Variants in SLC25A40 observed in about 807,000 individuals in gnomAD.
The protein encoded by SLC25A40 is mitochondrial glutathione transporter SLC25A40.
Under a neutral mutation model 46.5 loss-of-function variants are expected in SLC25A40, and 41 were observed. That is an observed-to-expected ratio of 0.88 (90% confidence interval 0.69 to 1.14). The LOEUF is 1.14. SLC25A40 is among the 50% of genes most tolerant of loss of function. The probability of loss-of-function intolerance (pLI) is 0.00; values close to 1 mark genes in which losing one functional copy is unlikely to be tolerated. For missense variants in SLC25A40, 386 were observed against 393.6 expected (o/e 0.98, Z 0.16); for synonymous variants, 126 against 127.5 (o/e 0.99, Z 0.08).
At chr7:87,838,585 T>A (rs1838288806) in intron 10 of SLC25A40, among the ~76,000 whole-genome samples, 1 of 151,548 alleles carries the variant, frequency 6.6e-6, no homozygotes, top group Non-Finnish European at 1.5e-5. Context: ...ATACCTCTAT[T>A]TTTCAGATCC....
At chr7:87,847,803 A>G in intron 7 of SLC25A40, 50 bp downstream of exon 7, 1 of 1,558,868 alleles carries the variant, frequency 6.4e-7, no homozygotes, top group African/African-American at 1.4e-5. Context: ...CACAACTTAA[A>G]CAGAAGCTCT....
At chr7:87,846,371 G>A (rs1273757115) in intron 8 of SLC25A40, among the ~76,000 whole-genome samples, 1 of 152,110 alleles carries the variant, frequency 6.6e-6, no homozygotes, top group Non-Finnish European at 1.5e-5. Context: ...AAACTTCTAT[G>A]ATCCACAAGG....
At chr7:87,863,661 C>T (rs1045877505) in intron 1 of SLC25A40, among the ~76,000 whole-genome samples, 6 of 151,358 alleles carry the variant, frequency 4.0e-5, no homozygotes, top group African/African-American at 9.7e-5. Flanking sequence ...GTGTCAAGAT[C>T]AAATCAGGGT....
chr7:87,850,795 A>G (rs1838496172), intron 5 of SLC25A40, among the ~76,000 whole-genome samples: 1 of 152,060 alleles, frequency 6.6e-6, no homozygotes, highest in Non-Finnish European at 1.5e-5. Flanking sequence ...AGAAAAATAG[A>G]AAAAGGAAAA....
At position 87,833,691 on chromosome 7, in the gene SLC25A40, T is replaced by C. The variant is rs552834381; in HGVS notation, c.*2558A>G. ...ACAAAAAGAGGGAAGAATTTAAGTTTAGGGGTACATATGCAGGTTTGTTAC... is the reference window on the plus strand; with the variant it reads ...ACAAAAAGAGGGAAGAATTTAAGTTCAGGGGTACATATGCAGGTTTGTTAC... On this transcript the variant is annotated 3_prime_UTR_variant, in exon 12 of 12. Transcript: ENST00000341119. The C allele has an allele frequency of 6.6e-6, 1 of 151,906 alleles. No individual in the cohort carries two copies. The highest frequency in any genetic ancestry group is 6.6e-5 in the Admixed American group (1 of 15,198). The allele number at this position is 151,906 out of a possible 1,614,324, so 9.4% of individuals were successfully genotyped here. A position where few individuals can be genotyped will look rare whatever the true frequency, so the allele number is the denominator to read the frequency against.
intron 1 of SLC25A40, 102 bp downstream of exon 1, chr7:87,875,994 T>C (rs1839005955): frequency 1.3e-5 from 2 of 152,142 alleles, no homozygotes; most frequent in South Asian, 4.1e-4. Flanking sequence ...CCGGCTCCGG[T>C]TCCGGCCCCG....
At position 87,846,945 on chromosome 7, in the gene SLC25A40, C is replaced by A; in HGVS notation, c.631+4G>T. 1.3e-6 allele frequency: 2 copies of A among 1,590,222 alleles called. No homozygotes were observed. The highest frequency in any genetic ancestry group is 2.3e-5 in the South Asian group (2 of 88,156). ...TTAGTAGCTACAAATAAGATAAATCCTACCTGAGAAAGGTACATCTCTAAG... is the reference window on the plus strand; with the variant it reads ...TTAGTAGCTACAAATAAGATAAATCATACCTGAGAAAGGTACATCTCTAAG... On this transcript the variant is annotated splice_donor_region_variant and intron_variant, in intron 8 of 11. Transcript: ENST00000341119.
At chr7:87,856,156 TG>T (rs1838610193) in intron 4 of SLC25A40, 135 bp downstream of exon 4, 1 of 704,280 alleles carries the variant, frequency 1.4e-6, no homozygotes, top group African/African-American at 1.8e-5. Context: ...AACTAAATGG[TG>T]AAAAAAAAAG....
At chr7:87,836,597 TTATAA>T (rs1266760259) in intron 11 of SLC25A40, 128 bp downstream of exon 11, 5 of 561,274 alleles carry the variant, frequency 8.9e-6, no homozygotes, top group East Asian at 6.8e-5. Context: ...TTATTTTAAC[TTATAA>T]TAAAGATATT....
In SLC25A40 at chr7:87,851,141, T is replaced by C. The variant is rs539661930; in HGVS notation, c.265-1193A>G. Among the ~76,000 whole-genome samples, 54 of 152,242 alleles carry C rather than the reference T, an allele frequency of 3.5e-4. 1 individual carries two copies. The South Asian group carries it at 0.01, about 29-fold the overall frequency. On this transcript the variant is annotated intron_variant, in intron 5 of 11. Coordinates refer to ENST00000341119, the MANE Select transcript of SLC25A40 (RefSeq NM_018843.4). ...ACATGTTCACACAGAAACATGAATG[T>C]CCATAGAATTAATTATTCCAAAAAG...
At chr7:87,866,926 G>A (rs561821064) in intron 1 of SLC25A40, among the ~76,000 whole-genome samples, 12 of 152,286 alleles carry the variant, frequency 7.9e-5, no homozygotes, top group African/African-American at 2.9e-4. Context: ...AAATTGGGTG[G>A]AGCCCAAGAG....
At chr7:87,836,850 C>A (rs533086299) in intron 10 of SLC25A40, 40 bp from the exon 11 acceptor site, 5 of 1,216,470 alleles carry the variant, frequency 4.1e-6, no homozygotes, top group Admixed American at 5.4e-5. Context: ...TTATAAATAA[C>A]AATTTAATAA....
intron 10 of SLC25A40, among the ~76,000 whole-genome samples, chr7:87,837,753 AAAC>A (rs1453081534): frequency 4.0e-5 from 6 of 151,254 alleles, no homozygotes; most frequent in African/African-American, 1.5e-4. Context: ...ACTACCATGT[AAAC>A]AACATGACAG....
rs1838232083 is a variant in SLC25A40 at position 87,834,442 on chromosome 7, G to A, written c.*1807C>T. 1 of 151,280 alleles carries A rather than the reference G, an allele frequency of 6.6e-6. No homozygotes were observed. The highest frequency in any genetic ancestry group is 2.4e-5 in the African/African-American group (1 of 41,230). 9.4% of individuals were successfully genotyped at this position (151,280 alleles called of 1,614,324 possible). ...TAAATATAAAGAAAGCTTCAATTCA[G>A]CCTTCTATTCATCCAGATACATTGC... On this transcript the variant is annotated 3_prime_UTR_variant, in exon 12 of 12. Transcript: ENST00000341119.
In SLC25A40 at chr7:87,847,995, A is replaced by G. The variant is rs756967046; in HGVS notation, c.333-18T>C. On this transcript the variant is annotated intron_variant, in intron 6 of 11. Transcript: ENST00000341119. ...CCATCACTCTGTTAGATCACACAAA[A>G]AGATTTGTTCAAAATTATCAAAAGA... 1.9e-6 allele frequency: 3 copies of G among 1,589,336 alleles called. No individual in the cohort carries two copies. In the South Asian group the frequency reaches 3.6e-5, roughly 19 times the overall value.
intron 1 of SLC25A40, among the ~76,000 whole-genome samples, chr7:87,874,082 G>A (rs1838936292): frequency 6.6e-6 from 1 of 152,152 alleles, no homozygotes. Context: ...CCTTTCTGTG[G>A]CTACTAACAG....
chr7:87,857,239 A>G (rs1838628383), intron 3 of SLC25A40, among the ~76,000 whole-genome samples: 1 of 152,224 alleles, frequency 6.6e-6, no homozygotes, highest in South Asian at 2.1e-4. Context: ...ATTCTGTATT[A>G]TTCATTATGC....
rs1838231445 is a variant in SLC25A40 at position 87,834,385 on chromosome 7, T to C, written c.*1864A>G. The C allele has an allele frequency of 6.6e-6, 1 of 151,678 alleles. No homozygotes were observed. Among genetic ancestry groups the C allele is most frequent in the South Asian group, 2.1e-4 (1 of 4,828 alleles). The allele number at this position is 151,678 out of a possible 1,614,324, so 9.4% of individuals were successfully genotyped here. ...TGAACACTTTTTGGTTGTTAGTATATTTTAAAAGTATTAATATTTCTTTTT... is the reference window on the plus strand; with the variant it reads ...TGAACACTTTTTGGTTGTTAGTATACTTTAAAAGTATTAATATTTCTTTTT... On this transcript the variant is annotated 3_prime_UTR_variant, in exon 12 of 12. Coordinates refer to ENST00000341119, the MANE Select transcript of SLC25A40 (RefSeq NM_018843.4).
intron 1 of SLC25A40, among the ~76,000 whole-genome samples, chr7:87,867,251 TG>T (rs1305629755): frequency 6.6e-6 from 1 of 152,238 alleles, no homozygotes; most frequent in East Asian, 1.9e-4. Flanking sequence ...TTTGGTCTTT[TG>T]AAGTAATTTT....
Sources: allele counts gnomAD v4.1 joint callset (sites outside exome capture counted in the v4.1 genomes callset), GRCh38; gene constraint gnomAD v4.1.1; transcripts MANE v1.5; gene names NCBI Gene and HGNC (gene_info 2026-07-23, HGNC 2026-07-21).